NR2E1: variants seen among roughly 807,000 people sequenced by gnomAD.
The protein encoded by NR2E1 is nuclear receptor TLX.
Under a neutral mutation model 43.6 loss-of-function variants are expected in NR2E1, and 5 were observed. The observed-to-expected ratio is 0.11, with a 90% CI of 0.06 to 0.24. The LOEUF is 0.24. NR2E1 is among the 10% of genes least tolerant of loss of function. NR2E1 has a pLI of 1.00. For synonymous variants in NR2E1, 191 were observed against 195.5 expected (o/e 0.98, Z 0.19); for missense variants, 287 against 496.7 (o/e 0.58, Z 4.01).
At chr6:108,172,380 G>A (rs1773828064) in intron 2 of NR2E1, among the ~76,000 whole-genome samples, 1 of 152,218 alleles carries the variant, frequency 6.6e-6, no homozygotes, top group African/African-American at 2.4e-5. Context: ...TTGGTCTTGA[G>A]TAGGCAGAAC....
rs1480657831 is a variant in NR2E1, at chr6:108,166,682, GCGGCGGCGCC to G, written c.-75_-66del. 2 of 1,211,440 alleles carry G rather than the reference GCGGCGGCGCC, an allele frequency of 1.7e-6. No homozygotes were observed. Among genetic ancestry groups the G allele is most frequent in the African/African-American group, 1.6e-5 (1 of 61,630 alleles). 75.0% of individuals were successfully genotyped at this position (1,211,440 alleles called of 1,614,324 possible). On this transcript the variant is annotated 5_prime_UTR_variant, in exon 1 of 9. Coordinates refer to ENST00000368986, the MANE Select transcript of NR2E1 (RefSeq NM_003269.5). The surrounding 1 kb of genome is among the most constrained non-coding windows in gnomAD (Gnocchi z 7.2). ...TTGCAGGCTGGAGGGCAGCTGGAGA[GCGGCGGCGCC>G]CGGCGGCGAGGCGGGCGCTGCCGGC...
chr6:108,166,513 T>C lies in NR2E1; in HGVS notation c.-253T>C. On this transcript the variant is annotated 5_prime_UTR_variant, in exon 1 of 9. Coordinates refer to ENST00000368986, the MANE Select transcript of NR2E1 (RefSeq NM_003269.5). This position sits in a 1 kb window ranked among gnomAD's most constrained non-coding sequence, Gnocchi z 7.2. Reference sequence around the variant, plus strand: ...CTGTCTGTCCATGTGTGTGTCCATATCAAGCAGCATTCCCAGCAGCTGCGG... The same window carrying C: ...CTGTCTGTCCATGTGTGTGTCCATACCAAGCAGCATTCCCAGCAGCTGCGG... 2.0e-6 allele frequency: 1 copy of C among 488,620 alleles called. No homozygotes were observed. Among genetic ancestry groups the C allele is most frequent in the Non-Finnish European group, 3.6e-6 (1 of 280,668 alleles). 30.3% of individuals were successfully genotyped at this position (488,620 alleles called of 1,614,324 possible).
rs1773770815 is a variant in NR2E1 at position 108,169,593 on chromosome 6, G to C, written c.26-1865G>C. On this transcript the variant is annotated intron_variant, in intron 1 of 8. Coordinates refer to ENST00000368986, the MANE Select transcript of NR2E1 (RefSeq NM_003269.5). This position sits in a 1 kb window ranked among gnomAD's most constrained non-coding sequence, Gnocchi z 6.1. ...AAGCAGAGGATGGTTGTAAGATATG[G>C]AAACCAAGTTTACCGCTTCCAGAGT... Among the ~76,000 whole-genome samples the C allele has an allele frequency of 6.6e-6, 1 of 152,190 alleles. No homozygotes were observed. The highest frequency in any genetic ancestry group is 6.5e-5 in the Admixed American group (1 of 15,286).
rs144504773 is a variant in NR2E1, at chr6:108,188,266, T to C, written c.*803T>C. The C allele has an allele frequency of 3.3e-5, 5 of 151,876 alleles. No individual in the cohort carries two copies. The highest frequency in any genetic ancestry group is 9.7e-5 in the African/African-American group (4 of 41,334). The allele number at this position is 151,876 out of a possible 1,614,324, so 9.4% of individuals were successfully genotyped here. A position where few individuals can be genotyped will look rare whatever the true frequency, so the allele number is the denominator to read the frequency against. On this transcript the variant is annotated 3_prime_UTR_variant, in exon 9 of 9. Transcript: ENST00000368986. Reference sequence around the variant, plus strand: ...CAAAACCAAATAAAGTGGAGATGAGTGATTGAGTGAGGTAGATTGCTGTCC... The same window carrying C: ...CAAAACCAAATAAAGTGGAGATGAGCGATTGAGTGAGGTAGATTGCTGTCC...
At chr6:108,185,540 A>G (rs2114683761) in intron 8 of NR2E1, among the ~76,000 whole-genome samples, 1 of 152,206 alleles carries the variant, frequency 6.6e-6, no homozygotes, top group East Asian at 1.9e-4. Context: ...CCTTCTGAGT[A>G]TCTGGGACTA....
chr6:108,174,810 C>A (rs376673747), intron 2 of NR2E1, 26 bp from the exon 3 acceptor site: 15 of 1,606,398 alleles, frequency 9.3e-6, no homozygotes, highest in African/African-American at 8.0e-5. Flanking sequence ...CCCTGGGGAC[C>A]GCTGACCTCC....
In NR2E1 at chr6:108,180,267, G is replaced by T; in HGVS notation, c.643-56G>T. 9.0e-7 allele frequency: 1 copy of T among 1,116,718 alleles called. No homozygotes were observed. 69.2% of individuals were successfully genotyped at this position (1,116,718 alleles called of 1,614,324 possible). On this transcript the variant is annotated intron_variant, in intron 5 of 8. Coordinates refer to ENST00000368986, the MANE Select transcript of NR2E1 (RefSeq NM_003269.5). This position sits in a 1 kb window ranked among gnomAD's most constrained non-coding sequence, Gnocchi z 5.4. The stretch of plus-strand genomic sequence containing the variant: ...TAATGGAAATTTACATAGTGAAATT[G>T]TTTATAAATTTATAAATTACACACT...
At chr6:108,184,931 T>C (rs1774050314) in intron 8 of NR2E1, among the ~76,000 whole-genome samples, 1 of 152,266 alleles carries the variant, frequency 6.6e-6, no homozygotes, top group Non-Finnish European at 1.5e-5. Flanking sequence ...TTATGGAATT[T>C]CTTATTTCAT....
intron 1 of NR2E1, 90 bp from the exon 2 acceptor site, chr6:108,171,366 ATC>A (rs35730621): frequency 0.086 from 114,452 of 1,333,600 alleles, 5,669 homozygotes; most frequent in Middle Eastern, 0.12. Context: ...ATTGCTTAGC[ATC>A]TCTCTCTCCC....
In NR2E1 at chr6:108,183,389, T is replaced by TA. The variant is rs201731319; in HGVS notation, c.995+1747dup. Among the ~76,000 whole-genome samples the TA allele has an allele frequency of 2.2e-3, 336 of 150,948 alleles. 2 individuals carry two copies. Among genetic ancestry groups the TA allele is most frequent in the Middle Eastern group, 0.01 (3 of 292 alleles). On this transcript the variant is annotated intron_variant, in intron 8 of 8. Transcript: ENST00000368986. ...GAAGTGTAAATTTTATTATGCCATT[T>TA]AAAAAAAAAGCCAGGCTTTTAAAGA...
intron 3 of NR2E1, 31 bp from the exon 4 acceptor site, chr6:108,176,472 C>G: frequency 6.2e-7 from 1 of 1,604,560 alleles, no homozygotes; most frequent in Non-Finnish European, 8.5e-7. Context: ...TCTCTAATCG[C>G]CGGCATGCGT....
Position 108,178,143 on chromosome 6 carries a change from A to G in NR2E1, c.544A>G (p.Thr182Ala). 1.9e-6 allele frequency: 3 copies of G among 1,614,204 alleles called. No individual in the cohort carries two copies. Among genetic ancestry groups the G allele is most frequent in the Non-Finnish European group, 2.5e-6 (3 of 1,180,030 alleles). Residue 182 changes from threonine to alanine, a missense_variant, in exon 5 of 9, where the codon ACG becomes GCG. This residue lies in a region of NR2E1 where 119 missense variants were observed against 155.7 expected (regional missense o/e 0.76). Coordinates refer to ENST00000368986, the MANE Select transcript of NR2E1 (RefSeq NM_003269.5). Reference protein sequence around the residue: ...GTPMYLYEVATESVCESAARL... With the variant: ...GTPMYLYEVAAESVCESAARL... ...CCCAATGTATCTCTATGAAGTGGCC[A>G]CGGAGTCGGTGTGTGAATCAGCTGC...
At position 108,174,829 on chromosome 6, in the gene NR2E1, G is replaced by A. The variant is rs1773870458; in HGVS notation, c.172-7G>A. 1.2e-6 allele frequency: 2 copies of A among 1,613,774 alleles called. No homozygotes were observed. Among genetic ancestry groups the A allele is most frequent in the East Asian group, 2.2e-5 (1 of 44,850 alleles). On this transcript the variant is annotated splice_polypyrimidine_tract_variant and splice_region_variant and intron_variant, in intron 2 of 8. Coordinates refer to ENST00000368986, the MANE Select transcript of NR2E1 (RefSeq NM_003269.5). ...GGGGACCGCTGACCTCCTGCTCTCT[G>A]TTCCAGGGAGGCTGTCCGGTGGACA...
intron 3 of NR2E1, among the ~76,000 whole-genome samples, chr6:108,175,255 T>C (rs1181762072): frequency 8.5e-5 from 13 of 152,228 alleles, no homozygotes; most frequent in African/African-American, 2.9e-4. Context: ...TTGCAGCCCT[T>C]CGTGGCCACC....
chr6:108,169,044 G>T lies in NR2E1; in HGVS notation c.25+2254G>T, dbSNP rs909552253. 1 of 152,228 alleles carries T rather than the reference G, an allele frequency of 6.6e-6. No individual in the cohort carries two copies. Among genetic ancestry groups the T allele is most frequent in the Non-Finnish European group, 1.5e-5 (1 of 68,046 alleles). 9.4% of individuals were successfully genotyped at this position (152,228 alleles called of 1,614,324 possible). The stretch of plus-strand genomic sequence containing the variant: ...TTCCAGCTTCAGGAAACTCCGGCTC[G>T]CCTCACGTCGGAGCTCGCTCGGCTT... On this transcript the variant is annotated intron_variant, in intron 1 of 8. Coordinates refer to ENST00000368986, the MANE Select transcript of NR2E1 (RefSeq NM_003269.5). The surrounding 1 kb of genome is among the most constrained non-coding windows in gnomAD (Gnocchi z 6.1).
At chr6:108,176,906 C>T (rs1433565959) in intron 4 of NR2E1, among the ~76,000 whole-genome samples, 168 bp downstream of exon 4, 2 of 152,216 alleles carry the variant, frequency 1.3e-5, no homozygotes, top group African/African-American at 4.8e-5. Context: ...CCTTGTTCAG[C>T]CAGGGGTGCT....
intron 8 of NR2E1, among the ~76,000 whole-genome samples, chr6:108,185,125 C>T (rs1774052794): frequency 6.6e-6 from 1 of 152,122 alleles, no homozygotes; most frequent in East Asian, 1.9e-4. Flanking sequence ...ACTTAACATG[C>T]AAACTGAAAC....
intron 2 of NR2E1, among the ~76,000 whole-genome samples, chr6:108,173,099 C>CT (rs1554258062): frequency 6.6e-6 from 1 of 152,178 alleles, no homozygotes; most frequent in Non-Finnish European, 1.5e-5. Flanking sequence ...AGTCCAAGTG[C>CT]TTGTAAAGGA....
chr6:108,174,083 A>C (rs1026931137), intron 2 of NR2E1, among the ~76,000 whole-genome samples: 4 of 152,180 alleles, frequency 2.6e-5, no homozygotes, highest in African/African-American at 9.7e-5. Context: ...TATTTTGCTC[A>C]AGACTTGAGC....
Sources: gnomAD v4.1 joint callset for allele counts (sites outside exome capture counted in the v4.1 genomes callset) on GRCh38, gnomAD v4.1.1 for gene constraint, gnomAD v4.1.1 regional missense constraint, Gnocchi (gnomAD v3.1) non-coding constraint, MANE v1.5 for transcripts, NCBI Gene and HGNC (gene_info 2026-07-23, HGNC 2026-07-21) for gene names.